NAA35: variants seen among roughly 807,000 people sequenced by gnomAD.
NAA35 encodes the protein MAK10 homolog, amino-acid N-acetyltransferase subunit.
A neutral mutation model predicts 101.7 loss-of-function variants in NAA35; 18 were observed. The observed-to-expected ratio is 0.18, with a 90% CI of 0.12 to 0.26. The LOEUF (loss-of-function observed/expected upper bound fraction) is 0.26, where lower values mean the gene tolerates loss of function less well. Ranked by LOEUF, NAA35 falls within the 10% of genes least tolerant of loss-of-function variation. The pLI, the probability that NAA35 is intolerant of heterozygous loss-of-function variation, is 1.00. For missense variants in NAA35, 601 were observed against 886.8 expected (o/e 0.68, Z 4.09); for synonymous variants, 267 against 273.1 (o/e 0.98, Z 0.22).
At chr9:86,003,449 G>T in intron 12 of NAA35, 136 bp from the exon 13 acceptor site, 1 of 437,444 alleles carries the variant, frequency 2.3e-6, no homozygotes, top group Non-Finnish European at 4.1e-6. Context: ...CTATAGAAAT[G>T]ACCTTTATTT....
intron 18 of NAA35, 120 bp from the exon 19 acceptor site, chr9:86,017,378 C>A: frequency 1.3e-6 from 1 of 763,188 alleles, no homozygotes; most frequent in South Asian, 2.0e-5. Context: ...TAGGAACACA[C>A]TGAAGTTTTA....
chr9:85,961,447 C>T (rs117199439), intron 5 of NAA35, among the ~76,000 whole-genome samples: 4 of 152,236 alleles, frequency 2.6e-5, no homozygotes, highest in African/African-American at 9.6e-5. Flanking sequence ...CCAATTTTGC[C>T]TATTGTTGGT....
At chr9:85,947,110 A>G (rs1037194594) in intron 2 of NAA35, among the ~76,000 whole-genome samples, 5 of 152,222 alleles carry the variant, frequency 3.3e-5, no homozygotes, top group East Asian at 1.9e-4. Context: ...ACTGCAGTAC[A>G]TTAAATGCTG....
chr9:86,019,949 T>G (rs1832441273), intron 21 of NAA35, among the ~76,000 whole-genome samples: 1 of 152,192 alleles, frequency 6.6e-6, no homozygotes, highest in Non-Finnish European at 1.5e-5. Context: ...TATGATACAT[T>G]CATACAGTGG....
intron 2 of NAA35, among the ~76,000 whole-genome samples, chr9:85,955,057 AC>A (rs1367174483): frequency 6.6e-6 from 1 of 151,750 alleles, no homozygotes; most frequent in Non-Finnish European, 1.5e-5. Context: ...AGCTGGGATT[AC>A]AGGCACCCAC....
chr9:85,943,924 T>G lies in NAA35; in HGVS notation c.124+1641T>G, dbSNP rs558104694. On this transcript the variant is annotated intron_variant, in intron 2 of 22. Transcript: ENST00000361671. ...TATGTTAGGGGAACAGTAAATAATT[T>G]TACTTGGCCACAAAACAATTTTAAA... Among the ~76,000 whole-genome samples the G allele has an allele frequency of 6.6e-5, 10 of 152,324 alleles. No homozygotes were observed. In the East Asian group the frequency reaches 1.9e-3, roughly 29 times the overall value.
chr9:85,950,908 G>A (rs1228227477), intron 2 of NAA35, among the ~76,000 whole-genome samples: 2 of 152,092 alleles, frequency 1.3e-5, no homozygotes, highest in Non-Finnish European at 2.9e-5. Context: ...AGGCCAAGGC[G>A]GGTGGATTAC....
intron 11 of NAA35, among the ~76,000 whole-genome samples, chr9:85,989,490 C>A (rs1189743088): frequency 2.7e-5 from 4 of 149,228 alleles, no homozygotes; most frequent in East Asian, 2.0e-4. Context: ...AACAAACAAA[C>A]AAAAAAAAAC....
At chr9:85,986,705 C>G (rs891120402) in intron 11 of NAA35, 1 of 291,436 alleles carries the variant, frequency 3.4e-6, no homozygotes, top group African/African-American at 2.3e-5. Flanking sequence ...TTACCTCACC[C>G]TCCTGAGTAG....
At chr9:86,010,722 C>T (rs920397032) in intron 15 of NAA35, among the ~76,000 whole-genome samples, 7 of 151,010 alleles carry the variant, frequency 4.6e-5, no homozygotes, top group Admixed American at 1.3e-4. Context: ...CTACAGGCGC[C>T]GCCATCATGC....
intron 1 of NAA35, 23 bp downstream of exon 1, chr9:85,941,296 C>T (rs1828500699): frequency 2.0e-6 from 2 of 985,584 alleles, no homozygotes; most frequent in South Asian, 9.4e-5. Flanking sequence ...CCTGCGTAGC[C>T]ATTGAAACCC....
chr9:85,999,075 A>G (rs1831301664), intron 12 of NAA35, among the ~76,000 whole-genome samples: 1 of 152,198 alleles, frequency 6.6e-6, no homozygotes, highest in South Asian at 2.1e-4. Flanking sequence ...ACTTTCACTG[A>G]TTATGCCTTT....
At chr9:85,995,330 AAAAT>A (rs1831109534) in intron 11 of NAA35, among the ~76,000 whole-genome samples, 1 of 150,688 alleles carries the variant, frequency 6.6e-6, no homozygotes, top group African/African-American at 2.4e-5. Context: ...TTTAAAATAA[AAAAT>A]TATTTTTTAT....
chr9:85,979,809 G>A (rs1830361047), intron 11 of NAA35, among the ~76,000 whole-genome samples: 1 of 152,128 alleles, frequency 6.6e-6, no homozygotes, highest in Admixed American at 6.5e-5. Context: ...CACACCAGCT[G>A]GATGCCCTCT....
In NAA35 at chr9:85,959,601, A is replaced by G. The variant is rs1017016001; in HGVS notation, c.274-192A>G. On this transcript the variant is annotated intron_variant, in intron 4 of 22. Transcript: ENST00000361671. ...TATTTGTCAATTAAAAATAAAATTT[A>G]TAAGAAGATATATTGTTTTTAAGAG... Among the ~76,000 whole-genome samples, 8 of 152,108 alleles carry G rather than the reference A, an allele frequency of 5.3e-5. No homozygotes were observed. The South Asian group carries it at 8.3e-4, about 16-fold the overall frequency.
chr9:86,010,895 A>G (rs1005396571), intron 15 of NAA35, among the ~76,000 whole-genome samples: 3 of 151,340 alleles, frequency 2.0e-5, no homozygotes, highest in African/African-American at 7.3e-5. Context: ...GAATATTTTT[A>G]ACATCCTTGT....
chr9:86,019,183 G>A (rs1231835244), intron 21 of NAA35, among the ~76,000 whole-genome samples: 1 of 152,186 alleles, frequency 6.6e-6, no homozygotes, highest in Non-Finnish European at 1.5e-5. Context: ...AAGGGGCCAG[G>A]CGTGGTGGCT....
intron 10 of NAA35, among the ~76,000 whole-genome samples, chr9:85,977,883 A>C (rs1830278947): frequency 6.6e-6 from 1 of 152,082 alleles, no homozygotes; most frequent in African/African-American, 2.4e-5. Flanking sequence ...AGTGGTGAAT[A>C]GGGATCCAAT....
intron 12 of NAA35, among the ~76,000 whole-genome samples, chr9:86,000,896 A>G (rs1831394340): frequency 2.0e-5 from 3 of 150,672 alleles, no homozygotes; most frequent in Non-Finnish European, 4.4e-5. Context: ...CCCTCAGTTC[A>G]CCTCTGATTT....
Sources: allele counts gnomAD v4.1 joint callset (sites outside exome capture counted in the v4.1 genomes callset), GRCh38; gene constraint gnomAD v4.1.1; transcripts MANE v1.5; gene names NCBI Gene and HGNC (gene_info 2026-07-23, HGNC 2026-07-21).